Variants in CTNNA2 observed in about 807,000 individuals in gnomAD.
CTNNA2 encodes the protein catenin alpha 2.
In CTNNA2, 42 loss-of-function variants were observed where a neutral mutation model predicts 101.0. That is an observed-to-expected ratio of 0.42 (90% CI 0.32 to 0.54). CTNNA2 has a LOEUF of 0.54. CTNNA2 is among the 20% of genes least tolerant of loss of function. The pLI is 0.14. For missense variants in CTNNA2, 871 were observed against 1,223.1 expected, an observed-to-expected ratio of 0.71 and a Z score of 4.29; for synonymous variants, 450 against 456.4, an observed-to-expected ratio of 0.99 and a Z score of 0.18.
At chr2:80,041,653 G>A (rs551450940) in intron 7 of CTNNA2, among the ~76,000 whole-genome samples, 37 of 152,264 alleles carry the variant, frequency 2.4e-4, no homozygotes, top group South Asian at 6.2e-4. Context: ...TCTTCGAAGA[G>A]GAATGAGTTC....
At chr2:80,476,331 G>A (rs1417946213) in intron 9 of CTNNA2, among the ~76,000 whole-genome samples, 3 of 152,134 alleles carry the variant, frequency 2.0e-5, no homozygotes, top group African/African-American at 7.2e-5. Flanking sequence ...CCAAATGGCA[G>A]ATGAGCTTCA....
intron 7 of CTNNA2, among the ~76,000 whole-genome samples, chr2:79,914,463 A>G (rs1336709909): frequency 6.6e-6 from 1 of 152,172 alleles, no homozygotes; most frequent in Non-Finnish European, 1.5e-5. Context: ...TTCTTTATGC[A>G]CAATTCATGG....
At chr2:80,002,762 G>A (rs1031473106) in intron 7 of CTNNA2, among the ~76,000 whole-genome samples, 1 of 152,096 alleles carries the variant, frequency 6.6e-6, no homozygotes, top group African/African-American at 2.4e-5. Context: ...CTGACCATCA[G>A]ACTCTGCAGA....
At chr2:79,823,837 C>G (rs368617396) in intron 3 of CTNNA2, among the ~76,000 whole-genome samples, 2 of 152,028 alleles carry the variant, frequency 1.3e-5, no homozygotes, top group East Asian at 3.9e-4. Context: ...CAAATATCAC[C>G]AATTGCTCTG....
At chr2:80,127,385 G>A (rs1246592703) in intron 7 of CTNNA2, among the ~76,000 whole-genome samples, 1 of 152,132 alleles carries the variant, frequency 6.6e-6, no homozygotes, top group Non-Finnish European at 1.5e-5. Flanking sequence ...ATGCTATGAA[G>A]AATAGATAGG....
intron 7 of CTNNA2, among the ~76,000 whole-genome samples, chr2:79,913,336 G>A (rs1685944948): frequency 1.3e-5 from 2 of 152,180 alleles, no homozygotes; most frequent in Admixed American, 6.5e-5. Flanking sequence ...GCTGTGAATG[G>A]GTGCCTGGTG....
chr2:79,856,899 C>T (rs1458141155), intron 3 of CTNNA2, among the ~76,000 whole-genome samples: 1 of 152,212 alleles, frequency 6.6e-6, no homozygotes, highest in Non-Finnish European at 1.5e-5. Context: ...TAACTGACTT[C>T]TCTGTCCTGG....
intron 3 of CTNNA2, among the ~76,000 whole-genome samples, chr2:79,848,976 C>G (rs1680460638): frequency 6.6e-6 from 1 of 151,224 alleles, no homozygotes; most frequent in Non-Finnish European, 1.5e-5. Context: ...GATGCTGACC[C>G]CCACCAACCA....
intron 3 of CTNNA2, among the ~76,000 whole-genome samples, chr2:79,357,340 A>C (rs143955849): frequency 6.6e-6 from 1 of 152,196 alleles, no homozygotes; most frequent in African/African-American, 2.4e-5. Context: ...ACAAACAAAC[A>C]AAACTCAAGA....
In CTNNA2 at chr2:80,303,169, C is replaced by T. The variant is rs1676529350; in HGVS notation, c.1057-90042C>T. On this transcript the variant is annotated intron_variant, in intron 7 of 18. Transcript: ENST00000402739. This position sits in a 1 kb window ranked among gnomAD's most constrained non-coding sequence, Gnocchi z 7.7. ...AGTTCACCTTGACCAAGTCGTTGTG[C>T]TCGAGGTGCAGCTCGGTGAGCTTAA... 2 of 1,613,964 alleles carry T rather than the reference C, an allele frequency of 1.2e-6. No individual in the cohort carries two copies. The highest frequency in any genetic ancestry group is 1.7e-6 in the Non-Finnish European group (2 of 1,179,996).
Position 79,980,624 on chromosome 2 carries a change from G to A in CTNNA2, c.1056+70827G>A, listed in dbSNP as rs192809816. ...TAATTATGTAAACATATTTAAAATCGTTTTTAAGATTTTTTAAAAGTAAAA... is the reference window on the plus strand; with the variant it reads ...TAATTATGTAAACATATTTAAAATCATTTTTAAGATTTTTTAAAAGTAAAA... On this transcript the variant is annotated intron_variant, in intron 7 of 18. Coordinates refer to ENST00000402739, the MANE Select transcript of CTNNA2 (RefSeq NM_001282597.3). Among the ~76,000 whole-genome samples the A allele has an allele frequency of 1.1e-3, 160 of 151,986 alleles. 1 individual carries two copies. Among genetic ancestry groups the A allele is most frequent in the East Asian group, 3.5e-3 (18 of 5,174 alleles).
intron 2 of CTNNA2, among the ~76,000 whole-genome samples, chr2:79,261,999 G>T (rs931279277): frequency 2.0e-5 from 3 of 152,104 alleles, no homozygotes; most frequent in African/African-American, 7.2e-5. Flanking sequence ...TCTGGTTCAC[G>T]CCTTCTAGAC....
At chr2:79,902,850 C>T (rs1685156545) in intron 6 of CTNNA2, among the ~76,000 whole-genome samples, 2 of 152,162 alleles carry the variant, frequency 1.3e-5, no homozygotes, top group South Asian at 4.1e-4. Context: ...TGGTCTCGCA[C>T]TCCTGACCTT....
intron 1 of CTNNA2, among the ~76,000 whole-genome samples, chr2:79,628,380 G>T (rs1215194473): frequency 1.3e-5 from 2 of 151,914 alleles, no homozygotes; most frequent in Non-Finnish European, 2.9e-5. Flanking sequence ...CTGAACCTGG[G>T]AGGTGGAGGT....
chr2:79,754,213 A>C (rs1323238087), intron 3 of CTNNA2, among the ~76,000 whole-genome samples: 1 of 152,080 alleles, frequency 6.6e-6, no homozygotes, highest in Non-Finnish European at 1.5e-5. Flanking sequence ...GTAAATGATG[A>C]CCAATGGGCT....
At chr2:80,457,271 C>T (rs1684061275) in intron 9 of CTNNA2, among the ~76,000 whole-genome samples, 1 of 151,996 alleles carries the variant, frequency 6.6e-6, no homozygotes, top group Admixed American at 6.6e-5. Context: ...GCCGTGTTGG[C>T]AAGGCTGGTT....
chr2:79,851,382 T>C (rs2103906353), intron 3 of CTNNA2, among the ~76,000 whole-genome samples: 1 of 152,336 alleles, frequency 6.6e-6, no homozygotes, highest in South Asian at 2.1e-4. Flanking sequence ...TTGACTGAAT[T>C]ACCGTTTTAA....
At chr2:80,584,351 G>A (rs1299653188) in intron 14 of CTNNA2, among the ~76,000 whole-genome samples, 1 of 146,638 alleles carries the variant, frequency 6.8e-6, no homozygotes, top group East Asian at 2.1e-4. Flanking sequence ...TCAAATTCTG[G>A]AATTAAAGTA....
chr2:80,616,550 G>A (rs1698871377), intron 17 of CTNNA2: 1 of 151,650 alleles, frequency 6.6e-6, no homozygotes, highest in African/African-American at 2.4e-5. Context: ...TTTGAGACCA[G>A]CCCTACATCT....
Sources: gnomAD v4.1 joint callset for allele counts (sites outside exome capture counted in the v4.1 genomes callset) on GRCh38, gnomAD v4.1.1 for gene constraint, Gnocchi (gnomAD v3.1) non-coding constraint, MANE v1.5 for transcripts, NCBI Gene and HGNC (gene_info 2026-07-23, HGNC 2026-07-21) for gene names.